The following RHOQ variants were observed in gnomAD, a reference collection of about 807,000 sequenced individuals.
RHOQ encodes the protein ras homolog family member Q.
Under a neutral mutation model 25.8 loss-of-function variants are expected in RHOQ, and 7 were observed. The observed-to-expected ratio is 0.27, with a 90% CI of 0.15 to 0.51. The LOEUF is 0.51. Among genes scored for constraint, RHOQ ranks in the 20% least tolerant of loss-of-function variants. The probability of loss-of-function intolerance (pLI) is 0.97; values close to 1 mark genes in which losing one functional copy is unlikely to be tolerated. For missense variants in RHOQ, 165 were observed against 260.6 expected (o/e 0.63, Z 2.53); for synonymous variants, 97 against 98.6 (o/e 0.98, Z 0.10).
At chr2:46,580,811 G>T in intron 4 of RHOQ, 117 bp from the exon 5 acceptor site, 3 of 691,734 alleles carry the variant, frequency 4.3e-6, no homozygotes, top group Non-Finnish European at 4.5e-6. Context: ...CATGGATGAT[G>T]AATGTATTCT....
chr2:46,573,087 G>A (rs1226961537), intron 2 of RHOQ, among the ~76,000 whole-genome samples: 6 of 149,594 alleles, frequency 4.0e-5, no homozygotes, highest in Non-Finnish European at 8.9e-5. Context: ...TTTTTGAGAC[G>A]GAGTTTAGCT....
At chr2:46,543,258 C>T (rs1260576157) in intron 1 of RHOQ, 70 bp downstream of exon 1, 1 of 1,568,110 alleles carries the variant, frequency 6.4e-7, no homozygotes, top group East Asian at 2.3e-5. Context: ...TTTGGCGGAG[C>T]CCCCTCGCCG....
rs1025949768 is a variant in RHOQ, at chr2:46,569,461, G to A, written c.202-6626G>A. The A allele has an allele frequency of 3.3e-5, 5 of 152,110 alleles. No individual in the cohort carries two copies. Among genetic ancestry groups the A allele is most frequent in the African/African-American group, 4.8e-5 (2 of 41,398 alleles). The allele number at this position is 152,110 out of a possible 1,614,324, so 9.4% of individuals were successfully genotyped here. A position where few individuals can be genotyped will look rare whatever the true frequency, so the allele number is the denominator to read the frequency against. On this transcript the variant is annotated intron_variant, in intron 2 of 4. Coordinates refer to ENST00000238738, the MANE Select transcript of RHOQ (RefSeq NM_012249.4). This position sits in a 1 kb window ranked among gnomAD's most constrained non-coding sequence, Gnocchi z 4.1. ...TTCAGGGCCCTGCTTTTAGAGATGA[G>A]GAAGTGCCAGTTCGTCACAACACAG...
At chr2:46,543,633 C>G in intron 1 of RHOQ, 121 bp from the exon 2 acceptor site, 1 of 807,480 alleles carries the variant, frequency 1.2e-6, no homozygotes, top group Non-Finnish European at 2.1e-6. Flanking sequence ...TGACATCTCG[C>G]GGGGAGCGCC....
rs1475909650 is a variant in RHOQ, at chr2:46,546,414, G to GTT, written c.201+2604_201+2605dup. Among the ~76,000 whole-genome samples, 6 of 131,262 alleles carry GTT rather than the reference G, an allele frequency of 4.6e-5. No individual in the cohort carries two copies. The South Asian group carries it at 9.7e-4, about 21-fold the overall frequency. The allele number at this position is 131,262 out of a possible 152,430, so 86.1% of individuals were successfully genotyped here. A position where few individuals can be genotyped will look rare whatever the true frequency, so the allele number is the denominator to read the frequency against. On this transcript the variant is annotated intron_variant, in intron 2 of 4. Transcript: ENST00000238738. ...AAAAAGTAAATAAAAAACATTAAGG[G>GTT]TTTATATATATATATATGTATCCGT...
At chr2:46,568,307 G>C (rs896816765) in intron 2 of RHOQ, 3 of 152,086 alleles carry the variant, frequency 2.0e-5, no homozygotes, top group Admixed American at 2.0e-4. Context: ...ACGATGTCTA[G>C]GTAGGCCAAG....
intron 2 of RHOQ, 130 bp from the exon 3 acceptor site, chr2:46,575,953 TTTAC>T (rs754306205): frequency 1.1e-4 from 64 of 586,172 alleles, no homozygotes; most frequent in Non-Finnish European, 9.4e-5. Flanking sequence ...GTTATCTGAT[TTTAC>T]TTAGAGTGCC....
intron 2 of RHOQ, among the ~76,000 whole-genome samples, chr2:46,560,166 G>C (rs138305451): frequency 1.7e-3 from 252 of 152,304 alleles, no homozygotes; most frequent in African/African-American, 5.8e-3. Flanking sequence ...GAGGTCTGCT[G>C]TGCAGTCCGG....
chr2:46,565,386 A>G (rs113433321), intron 2 of RHOQ, among the ~76,000 whole-genome samples: 96 of 152,336 alleles, frequency 6.3e-4, no homozygotes, highest in African/African-American at 2.1e-3. Flanking sequence ...CCATACCTAG[A>G]TAAGACAAAT....
chr2:46,562,193 C>T (rs971583946), intron 2 of RHOQ, among the ~76,000 whole-genome samples: 7 of 152,044 alleles, frequency 4.6e-5, no homozygotes, highest in African/African-American at 1.7e-4. Flanking sequence ...GTTTGAAACT[C>T]CCTCATCCCC....
chr2:46,543,679 G>A (rs1667926718), intron 1 of RHOQ, 75 bp from the exon 2 acceptor site: 6 of 1,371,156 alleles, frequency 4.4e-6, no homozygotes, highest in Admixed American at 1.9e-5. Context: ...AGGAGGGTCC[G>A]GGTGGGGAGC....
chr2:46,547,972 G>T (rs1668125918), intron 2 of RHOQ, among the ~76,000 whole-genome samples: 1 of 152,198 alleles, frequency 6.6e-6, no homozygotes, highest in South Asian at 2.1e-4. Flanking sequence ...GGAGAGGGAA[G>T]GACTGAAGCC....
In RHOQ at chr2:46,581,924, ATTTT is replaced by A. The variant is rs547692447; in HGVS notation, c.*850_*853del. 5.5e-6 allele frequency: 1 copy of A among 183,432 alleles called. No homozygotes were observed. Among genetic ancestry groups the A allele is most frequent in the Non-Finnish European group, 1.1e-5 (1 of 88,288 alleles). 11.4% of individuals were successfully genotyped at this position (183,432 alleles called of 1,614,324 possible). On this transcript the variant is annotated 3_prime_UTR_variant, in exon 5 of 5. Transcript: ENST00000238738. ...ATTTAGCTCTCTGAACTAGTTGGTA[ATTTT>A]TTTTTTTTAATTCCCACTTTGGCTG...
Position 46,576,037 on chromosome 2 carries a change from G to A in RHOQ, c.202-50G>A, listed in dbSNP as rs935511066. ...ATGTAATCTAATGTACATATTACTAGTAAACAATAGAAATGTAAATACATA... is the reference window on the plus strand; with the variant it reads ...ATGTAATCTAATGTACATATTACTAATAAACAATAGAAATGTAAATACATA... On this transcript the variant is annotated intron_variant, in intron 2 of 4. Coordinates refer to ENST00000238738, the MANE Select transcript of RHOQ (RefSeq NM_012249.4). The surrounding 1 kb of genome is among the most constrained non-coding windows in gnomAD (Gnocchi z 5.1). The A allele has an allele frequency of 6.6e-7, 1 of 1,505,576 alleles. No homozygotes were observed. Among genetic ancestry groups the A allele is most frequent in the African/African-American group, 1.4e-5 (1 of 70,978 alleles). The allele number at this position is 1,505,576 out of a possible 1,614,324, so 93.3% of individuals were successfully genotyped here.
rs140153570 is a variant in RHOQ, at chr2:46,548,405, G to C, written c.201+4593G>C. Among the ~76,000 whole-genome samples the C allele has an allele frequency of 0.011, 1,637 of 152,304 alleles. 11 individuals carry two copies. The highest frequency in any genetic ancestry group is 0.032 in the South Asian group (152 of 4,822). On this transcript the variant is annotated intron_variant, in intron 2 of 4. Coordinates refer to ENST00000238738, the MANE Select transcript of RHOQ (RefSeq NM_012249.4). The surrounding 1 kb of genome is among the most constrained non-coding windows in gnomAD (Gnocchi z 5.2). ...AGAAAAGGGAAGGAGAAAGGGCCAT[G>C]GGATCACCACTCACCAGGCTCCTCC... is the stretch of plus-strand genomic sequence containing the variant.
rs1668843619 is a variant in RHOQ at position 46,569,458 on chromosome 2, T to C, written c.202-6629T>C. Reference sequence around the variant, plus strand: ...TAGTTCAGGGCCCTGCTTTTAGAGATGAGGAAGTGCCAGTTCGTCACAACA... The same window carrying C: ...TAGTTCAGGGCCCTGCTTTTAGAGACGAGGAAGTGCCAGTTCGTCACAACA... On this transcript the variant is annotated intron_variant, in intron 2 of 4. Transcript: ENST00000238738. The surrounding 1 kb of genome is among the most constrained non-coding windows in gnomAD (Gnocchi z 4.1). 1 of 152,200 alleles carries C rather than the reference T, an allele frequency of 6.6e-6. No homozygotes were observed. The highest frequency in any genetic ancestry group is 2.1e-4 in the South Asian group (1 of 4,822). 9.4% of individuals were successfully genotyped at this position (152,200 alleles called of 1,614,324 possible). A position where few individuals can be genotyped will look rare whatever the true frequency, so the allele number is the denominator to read the frequency against.
At chr2:46,543,334 C>T (rs1264178904) in intron 1 of RHOQ, 146 bp downstream of exon 1, 2 of 844,768 alleles carry the variant, frequency 2.4e-6, no homozygotes, top group African/African-American at 1.7e-5. Flanking sequence ...GGCCCCACCC[C>T]CGAAGCTTCG....
intron 2 of RHOQ, among the ~76,000 whole-genome samples, chr2:46,562,753 G>A (rs1668613684): frequency 6.6e-6 from 1 of 152,110 alleles, no homozygotes; most frequent in Admixed American, 6.5e-5. Context: ...AGATATATCA[G>A]TTTAGCTATT....
At position 46,562,439 on chromosome 2, in the gene RHOQ, A is replaced by G. The variant is rs1421394165; in HGVS notation, c.202-13648A>G. ...TCTATTGTTACTAGTTTCCTCCTCT[A>G]TCTGTACTGTTGCTTCTCTTTGATT... On this transcript the variant is annotated intron_variant, in intron 2 of 4. Coordinates refer to ENST00000238738, the MANE Select transcript of RHOQ (RefSeq NM_012249.4). 3.9e-5 allele frequency among the ~76,000 whole-genome samples: 6 copies of G among 152,282 alleles called. No individual in the cohort carries two copies. The East Asian group carries it at 5.8e-4, about 15-fold the overall frequency.
Sources: allele counts gnomAD v4.1 joint callset (sites outside exome capture counted in the v4.1 genomes callset), GRCh38; gene constraint gnomAD v4.1.1; non-coding constraint Gnocchi (gnomAD v3.1); transcripts MANE v1.5; gene names NCBI Gene and HGNC (gene_info 2026-07-23, HGNC 2026-07-21).